The following MIGA2 variants were observed in gnomAD, a reference collection of about 807,000 sequenced individuals.
MIGA2 encodes the protein family with sequence similarity 73, member B.
Under a neutral mutation model 69.9 loss-of-function variants are expected in MIGA2, and 36 were observed. The observed-to-expected ratio is 0.52, with a 90% CI of 0.39 to 0.68. MIGA2 has a LOEUF of 0.68. Ranked by LOEUF, MIGA2 falls within the 30% of genes least tolerant of loss-of-function variation. MIGA2 has a pLI of 0.00. For synonymous variants in MIGA2, 333 were observed against 349.2 expected, an observed-to-expected ratio of 0.95 and a Z score of 0.52; for missense variants, 660 against 787.7, an observed-to-expected ratio of 0.84 and a Z score of 1.94.
chr9:129,055,902 C>T (rs1385905761), intron 6 of MIGA2, among the ~76,000 whole-genome samples: 2 of 151,032 alleles, frequency 1.3e-5, no homozygotes, highest in African/African-American at 2.4e-5. Flanking sequence ...GTAGTCCCAA[C>T]ACTTAGGAGA....
rs764055035 is a variant in MIGA2, at chr9:129,048,553, GCCAGGGCT to G, written c.420+28_420+35del. 4 of 1,609,142 alleles carry G rather than the reference GCCAGGGCT, an allele frequency of 2.5e-6. No homozygotes were observed. The highest frequency in any genetic ancestry group is 4.5e-5 in the East Asian group (2 of 44,838). ...AGTGTGGCCTCGGTGAGCAGCAGGT[GCCAGGGCT>G]CCAGGGCTCCAGGTCCGGGCTTACC... On this transcript the variant is annotated intron_variant, in intron 4 of 15. Transcript: ENST00000684074.
chr9:129,061,389 T>C lies in MIGA2; in HGVS notation c.1010+43T>C. ...GAGGGAGGGAGGGAGCAGGAGGCGA[T>C]GGGTGATTCTGGCCCTTGCGGGAGG... On this transcript the variant is annotated intron_variant, in intron 9 of 15. Coordinates refer to ENST00000684074, the MANE Select transcript of MIGA2 (RefSeq NM_001329990.2). The surrounding 1 kb of genome is among the most constrained non-coding windows in gnomAD (Gnocchi z 5.0). 6.6e-7 allele frequency: 1 copy of C among 1,526,258 alleles called. No individual in the cohort carries two copies. Among genetic ancestry groups the C allele is most frequent in the Non-Finnish European group, 8.9e-7 (1 of 1,117,860 alleles). The allele number at this position is 1,526,258 out of a possible 1,614,324, so 94.5% of individuals were successfully genotyped here. A position where few individuals can be genotyped will look rare whatever the true frequency, so the allele number is the denominator to read the frequency against.
intron 11 of MIGA2, 35 bp from the exon 12 acceptor site, chr9:129,067,738 C>T (rs780469376): frequency 1.9e-6 from 3 of 1,577,118 alleles, no homozygotes; most frequent in Non-Finnish European, 2.6e-6. Flanking sequence ...TGGGTCTTGT[C>T]CAGTGACCAG....
intron 11 of MIGA2, among the ~76,000 whole-genome samples, chr9:129,064,937 C>T (rs1445471459): frequency 2.6e-5 from 4 of 151,958 alleles, no homozygotes; most frequent in African/African-American, 7.3e-5. Flanking sequence ...CATGTGTCAC[C>T]GCGCCTGGCT....
chr9:129,052,412 C>T (rs1305610495), intron 6 of MIGA2, among the ~76,000 whole-genome samples: 1 of 152,092 alleles, frequency 6.6e-6, no homozygotes, highest in Admixed American at 6.6e-5. Context: ...CTTGAGCCAC[C>T]ACACCCAGCC....
chr9:129,054,195 T>C (rs1845686774), intron 6 of MIGA2, among the ~76,000 whole-genome samples: 1 of 152,156 alleles, frequency 6.6e-6, no homozygotes, highest in Non-Finnish European at 1.5e-5. Context: ...CTCATACCTG[T>C]AATCCCAGTG....
rs1846539205 is a variant in MIGA2 at position 129,069,315 on chromosome 9, C to T, written c.1458+186C>T. On this transcript the variant is annotated intron_variant, in intron 14 of 15. Transcript: ENST00000684074. The surrounding 1 kb of genome is among the most constrained non-coding windows in gnomAD (Gnocchi z 4.9). ...CTGGAGGCTCGTGTAGACCCACTTC[C>T]TCTCCTCCCCAGGCCCAGCACAGAG... 1 of 681,424 alleles carries T rather than the reference C, an allele frequency of 1.5e-6. No homozygotes were observed. The highest frequency in any genetic ancestry group is 1.7e-5 in the South Asian group (1 of 58,558). 42.2% of individuals were successfully genotyped at this position (681,424 alleles called of 1,614,324 possible).
At chr9:129,063,386 C>A in intron 10 of MIGA2, 70 bp downstream of exon 10, 1 of 1,579,658 alleles carries the variant, frequency 6.3e-7, no homozygotes, top group Non-Finnish European at 8.6e-7. Context: ...GGCTGTGTGG[C>A]ATGTATGTGG....
Position 129,068,095 on chromosome 9 carries a change from T to C in MIGA2, c.1270-103T>C. On this transcript the variant is annotated intron_variant, in intron 12 of 15. Coordinates refer to ENST00000684074, the MANE Select transcript of MIGA2 (RefSeq NM_001329990.2). The surrounding 1 kb of genome is among the most constrained non-coding windows in gnomAD (Gnocchi z 4.1). ...GGGAAAGACGTGTCCCCCCCACGTG[T>C]GCTCATGCCCTGGACCCCAGCTTCA... is the stretch of plus-strand genomic sequence containing the variant. 1 of 1,523,904 alleles carries C rather than the reference T, an allele frequency of 6.6e-7. No homozygotes were observed. The highest frequency in any genetic ancestry group is 1.7e-4 in the Middle Eastern group (1 of 5,890). The allele number at this position is 1,523,904 out of a possible 1,614,324, so 94.4% of individuals were successfully genotyped here.
At chr9:129,052,799 C>T (rs566784642) in intron 6 of MIGA2, among the ~76,000 whole-genome samples, 26 of 152,184 alleles carry the variant, frequency 1.7e-4, no homozygotes, top group African/African-American at 6.0e-4. Context: ...CCTGCTGGGG[C>T]GTGAGCTCAG....
In MIGA2 at chr9:129,068,388, G is replaced by A. The variant is rs1019394314; in HGVS notation, c.1404+56G>A. Reference sequence around the variant, plus strand: ...CTTGCTCACATCAGCCCGTGTGGTTGCCTGGCTCCGTCCCCTCTGTCCCTA... The same window carrying A: ...CTTGCTCACATCAGCCCGTGTGGTTACCTGGCTCCGTCCCCTCTGTCCCTA... On this transcript the variant is annotated intron_variant, in intron 13 of 15. Transcript: ENST00000684074. This position sits in a 1 kb window ranked among gnomAD's most constrained non-coding sequence, Gnocchi z 4.1. The A allele has an allele frequency of 9.4e-6, 15 of 1,592,268 alleles. No individual in the cohort carries two copies. The highest frequency in any genetic ancestry group is 1.7e-4 in the Middle Eastern group (1 of 6,058).
intron 2 of MIGA2, among the ~76,000 whole-genome samples, chr9:129,041,767 G>T (rs1274226865): frequency 1.3e-5 from 2 of 152,298 alleles, no homozygotes; most frequent in Admixed American, 6.5e-5. Flanking sequence ...CATCTGAGGG[G>T]CTCCCAGGCC....
intron 1 of MIGA2, among the ~76,000 whole-genome samples, chr9:129,037,878 C>T (rs1844676878): frequency 6.6e-6 from 1 of 152,186 alleles, no homozygotes; most frequent in African/African-American, 2.4e-5. Flanking sequence ...ACTCGGTGAC[C>T]TCAGGCAGGC....
rs933941388 is a variant in MIGA2 at position 129,068,421 on chromosome 9, C to T, written c.1404+89C>T. 2.6e-6 allele frequency: 4 copies of T among 1,526,974 alleles called. No homozygotes were observed. Among genetic ancestry groups the T allele is most frequent in the Admixed American group, 3.6e-5 (2 of 54,910 alleles). The allele number at this position is 1,526,974 out of a possible 1,614,324, so 94.6% of individuals were successfully genotyped here. A position where few individuals can be genotyped will look rare whatever the true frequency, so the allele number is the denominator to read the frequency against. On this transcript the variant is annotated intron_variant, in intron 13 of 15. Transcript: ENST00000684074. This position sits in a 1 kb window ranked among gnomAD's most constrained non-coding sequence, Gnocchi z 4.1. The stretch of plus-strand genomic sequence containing the variant: ...CCGTCCCCTCTGTCCCTAGCACTGG[C>T]ACCAGGGCTGGGCCCCCACCCCCTA...
intron 9 of MIGA2, among the ~76,000 whole-genome samples, chr9:129,062,357 C>A (rs1476988945): frequency 6.6e-6 from 1 of 151,258 alleles, no homozygotes; most frequent in African/African-American, 2.4e-5. Context: ...ATGGTGTAAA[C>A]CCCATCTCTA....
chr9:129,048,194 G>GGCCCTGT (rs1324087306), intron 3 of MIGA2, among the ~76,000 whole-genome samples: 2 of 152,194 alleles, frequency 1.3e-5, no homozygotes, highest in African/African-American at 4.8e-5. Context: ...TCCTCGGCCT[G>GGCCCTGT]GCCCTGTGCC....
At chr9:129,050,089 G>C (rs1185436836) in intron 6 of MIGA2, 126 bp downstream of exon 6, 1 of 1,273,596 alleles carries the variant, frequency 7.9e-7, no homozygotes, top group Non-Finnish European at 1.1e-6. Context: ...CTCTATGAGG[G>C]TGTCTTGATG....
chr9:129,067,724 C>T, intron 11 of MIGA2, 49 bp from the exon 12 acceptor site: 1 of 1,545,734 alleles, frequency 6.5e-7, no homozygotes, highest in South Asian at 1.2e-5. Flanking sequence ...CCAGCCTGTC[C>T]CTGTGGGTCT....
rs1475686234 is a variant in MIGA2, at chr9:129,068,385, G to A, written c.1404+53G>A. 8 of 1,594,818 alleles carry A rather than the reference G, an allele frequency of 5.0e-6. No homozygotes were observed. Among genetic ancestry groups the A allele is most frequent in the Non-Finnish European group, 6.8e-6 (8 of 1,177,938 alleles). On this transcript the variant is annotated intron_variant, in intron 13 of 15. Transcript: ENST00000684074. The surrounding 1 kb of genome is among the most constrained non-coding windows in gnomAD (Gnocchi z 4.1). ...ACACTTGCTCACATCAGCCCGTGTG[G>A]TTGCCTGGCTCCGTCCCCTCTGTCC...
Sources: allele counts gnomAD v4.1 joint callset (sites outside exome capture counted in the v4.1 genomes callset), GRCh38; gene constraint gnomAD v4.1.1; non-coding constraint Gnocchi (gnomAD v3.1); transcripts MANE v1.5; gene names NCBI Gene and HGNC (gene_info 2026-07-23, HGNC 2026-07-21).